Variants in ACER3 observed in about 807,000 individuals in gnomAD.
ACER3 encodes the protein alkaline ceramidase 3.
In ACER3, 16 loss-of-function variants were observed where a neutral mutation model predicts 48.9. The ratio of observed to expected loss-of-function variants is 0.33; its 90% CI spans 0.22 to 0.50. The LOEUF (loss-of-function observed/expected upper bound fraction) is 0.50, where lower values mean the gene tolerates loss of function less well. Ranked by LOEUF, ACER3 falls within the 20% of genes least tolerant of loss-of-function variation. The probability of loss-of-function intolerance (pLI) is 0.98; values close to 1 mark genes in which losing one functional copy is unlikely to be tolerated. For missense variants in ACER3, 227 were observed against 326.0 expected, an observed-to-expected ratio of 0.70 and a Z score of 2.34; for synonymous variants, 109 against 107.8, an observed-to-expected ratio of 1.01 and a Z score of -0.07.
intron 7 of ACER3, among the ~76,000 whole-genome samples, chr11:77,005,954 G>GTATATTATATATATATACGTATATA (rs1949126453): frequency 1.9e-5 from 2 of 105,528 alleles, no homozygotes; most frequent in African/African-American, 6.6e-5. Context: ...TAATATATAT[G>GTATATTATATATATATACGTATATA]TATATTATAT....
At chr11:76,996,816 C>T (rs796870759) in intron 6 of ACER3, among the ~76,000 whole-genome samples, 13 of 151,052 alleles carry the variant, frequency 8.6e-5, no homozygotes, top group African/African-American at 3.2e-4. Flanking sequence ...ACCTCTGCCT[C>T]CTGGATTCAA....
chr11:76,987,867 G>C (rs1283892039), intron 5 of ACER3, among the ~76,000 whole-genome samples: 1 of 152,216 alleles, frequency 6.6e-6, no homozygotes, highest in Admixed American at 6.5e-5. Flanking sequence ...TTGAGCCCGA[G>C]AGGTCAAGGC....
At chr11:76,928,549 G>A (rs1946900105) in intron 2 of ACER3, among the ~76,000 whole-genome samples, 1 of 152,166 alleles carries the variant, frequency 6.6e-6, no homozygotes, top group South Asian at 2.1e-4. Context: ...CCTATGTCCT[G>A]AATGCTATTG....
chr11:76,930,294 G>A (rs1404047396), intron 2 of ACER3, among the ~76,000 whole-genome samples: 3 of 152,196 alleles, frequency 2.0e-5, no homozygotes, highest in Admixed American at 2.0e-4. Flanking sequence ...TTGTATTTCT[G>A]TGGGATCAGT....
chr11:76,979,343 A>C (rs1704428785), intron 4 of ACER3, among the ~76,000 whole-genome samples: 1 of 152,186 alleles, frequency 6.6e-6, no homozygotes, highest in South Asian at 2.1e-4. Context: ...TCTGACCTTT[A>C]CTAAAACTGA....
chr11:77,023,150 A>G lies in ACER3; in HGVS notation c.*2823A>G, dbSNP rs1949498157. 1 of 398,628 alleles carries G rather than the reference A, an allele frequency of 2.5e-6. No individual in the cohort carries two copies. Among genetic ancestry groups the G allele is most frequent in the Non-Finnish European group, 4.4e-6 (1 of 226,056 alleles). 24.7% of individuals were successfully genotyped at this position (398,628 alleles called of 1,614,324 possible). The stretch of plus-strand genomic sequence containing the variant: ...TTTTAATCCTTGTGATAGTAAATGC[A>G]TTGATAATTAACAGGAAAAACATGT... On this transcript the variant is annotated 3_prime_UTR_variant, in exon 11 of 11. Transcript: ENST00000532485.
At chr11:76,931,987 C>T in intron 2 of ACER3, among the ~76,000 whole-genome samples, 1 of 142,646 alleles carries the variant, frequency 7.0e-6, no homozygotes. Context: ...CGCACTCTGT[C>T]ACCCAGGCTG....
intron 3 of ACER3, among the ~76,000 whole-genome samples, chr11:76,974,089 T>TTATGCTA (rs1948376470): frequency 6.6e-6 from 1 of 152,258 alleles, no homozygotes; most frequent in Admixed American, 6.5e-5. Context: ...ATATCTATTC[T>TTATGCTA]TATGCTATTA....
At chr11:76,906,274 T>C (rs1271259221) in intron 1 of ACER3, among the ~76,000 whole-genome samples, 1 of 152,222 alleles carries the variant, frequency 6.6e-6, no homozygotes, top group Non-Finnish European at 1.5e-5. Flanking sequence ...AGATGTAATT[T>C]CTGTAATCCC....
chr11:76,911,884 A>C (rs1946387220), intron 1 of ACER3, among the ~76,000 whole-genome samples: 1 of 152,170 alleles, frequency 6.6e-6, no homozygotes, highest in Non-Finnish European at 1.5e-5. Context: ...AAGGTCTTAT[A>C]ATTTGCTGCC....
chr11:76,977,566 G>A (rs1205581022), intron 4 of ACER3, among the ~76,000 whole-genome samples: 1 of 152,170 alleles, frequency 6.6e-6, no homozygotes, highest in Non-Finnish European at 1.5e-5. Context: ...GTTTGGAGGG[G>A]CAAAAAAATT....
chr11:76,862,555 T>C (rs10899297), intron 1 of ACER3, among the ~76,000 whole-genome samples: 87,461 of 152,050 alleles, frequency 0.58, 28,403 homozygotes, highest in Non-Finnish European at 0.74. Context: ...AGGAAAGAGA[T>C]GTAAAACCAT....
chr11:77,021,659 C>T lies in ACER3; in HGVS notation c.*1332C>T, dbSNP rs1949475239. The T allele has an allele frequency of 1.3e-5, 2 of 152,138 alleles. No homozygotes were observed. Among genetic ancestry groups the T allele is most frequent in the African/African-American group, 4.8e-5 (2 of 41,420 alleles). 9.4% of individuals were successfully genotyped at this position (152,138 alleles called of 1,614,324 possible). A position where few individuals can be genotyped will look rare whatever the true frequency, so the allele number is the denominator to read the frequency against. On this transcript the variant is annotated 3_prime_UTR_variant, in exon 11 of 11. Coordinates refer to ENST00000532485, the MANE Select transcript of ACER3 (RefSeq NM_018367.7). ...GTTTTTACCACATGATGACGTGACT[C>T]AGGATTAAATCCTGAGCTACAGTTT...
At chr11:76,974,074 C>T (rs1565208516) in intron 3 of ACER3, among the ~76,000 whole-genome samples, 1 of 152,210 alleles carries the variant, frequency 6.6e-6, no homozygotes, top group Non-Finnish European at 1.5e-5. Flanking sequence ...ATTCTATTGA[C>T]TTATATATCT....
At chr11:76,916,142 G>T (rs1590927044) in intron 1 of ACER3, among the ~76,000 whole-genome samples, 1 of 152,168 alleles carries the variant, frequency 6.6e-6, no homozygotes, top group Non-Finnish European at 1.5e-5. Flanking sequence ...CTAAGTAAAT[G>T]AAGAGTGAAT....
At chr11:76,891,620 A>G (rs2134623745) in intron 1 of ACER3, among the ~76,000 whole-genome samples, 1 of 152,266 alleles carries the variant, frequency 6.6e-6, no homozygotes, top group South Asian at 2.1e-4. Flanking sequence ...AAAGGTCTAG[A>G]CTTGTTACTG....
At chr11:76,995,278 T>C (rs904195509) in intron 6 of ACER3, among the ~76,000 whole-genome samples, 7 of 152,284 alleles carry the variant, frequency 4.6e-5, no homozygotes, top group East Asian at 3.9e-4. Flanking sequence ...TGGCACTCAC[T>C]ATTGCCACTG....
At chr11:76,943,468 C>T (rs985675890) in intron 2 of ACER3, among the ~76,000 whole-genome samples, 14 of 151,922 alleles carry the variant, frequency 9.2e-5, no homozygotes, top group African/African-American at 3.1e-4. Flanking sequence ...TGTATAGTTT[C>T]CAGAGTTCCT....
chr11:76,980,363 G>C (rs1242913266), intron 4 of ACER3, among the ~76,000 whole-genome samples: 1 of 151,956 alleles, frequency 6.6e-6, no homozygotes, highest in Non-Finnish European at 1.5e-5. Context: ...TCATATAATG[G>C]GTACAAAGAA....
Sources: allele counts gnomAD v4.1 joint callset (sites outside exome capture counted in the v4.1 genomes callset), GRCh38; gene constraint gnomAD v4.1.1; transcripts MANE v1.5; gene names NCBI Gene and HGNC (gene_info 2026-07-23, HGNC 2026-07-21).